The following GAPVD1 variants were observed in gnomAD, a reference collection of about 807,000 sequenced individuals.
GAPVD1 encodes GTPase activating protein and VPS9 domains 1, also known as GTPase-activating protein and VPS9 domain-containing protein 1.
In GAPVD1, 35 loss-of-function variants were observed where a neutral mutation model predicts 155.5. That is an observed-to-expected ratio of 0.23 (90% CI 0.17 to 0.30). GAPVD1 has a LOEUF of 0.30. Among genes scored for constraint, GAPVD1 ranks in the 10% least tolerant of loss-of-function variants. The probability of loss-of-function intolerance (pLI) is 1.00; values close to 1 mark genes in which losing one functional copy is unlikely to be tolerated. For missense variants in GAPVD1, 1,429 were observed against 1,775.7 expected, an observed-to-expected ratio of 0.80 and a Z score of 3.51; for synonymous variants, 636 against 619.7, an observed-to-expected ratio of 1.03 and a Z score of -0.39.
intron 2 of GAPVD1, among the ~76,000 whole-genome samples, chr9:125,270,627 T>C (rs1834738922): frequency 1.3e-5 from 2 of 152,254 alleles, no homozygotes; most frequent in South Asian, 4.1e-4. Context: ...TACTTCAGTT[T>C]CTAATATTTA....
rs376015579 is a variant in GAPVD1, at chr9:125,341,161, C to T, written c.2878-16C>T. On this transcript the variant is annotated splice_polypyrimidine_tract_variant and intron_variant, in intron 17 of 27. Transcript: ENST00000297933. Reference sequence around the variant, plus strand: ...TGCTATCCAACTCCAAATAAAGCCTCCAACTTTTTCTACAGACTGAAGAAC... The same window carrying T: ...TGCTATCCAACTCCAAATAAAGCCTTCAACTTTTTCTACAGACTGAAGAAC... The T allele has an allele frequency of 8.4e-5, 116 of 1,387,982 alleles. 1 individual carries two copies. The highest frequency in any genetic ancestry group is 1.2e-4 in the Non-Finnish European group (113 of 973,372). The allele number at this position is 1,387,982 out of a possible 1,614,324, so 86.0% of individuals were successfully genotyped here.
intron 2 of GAPVD1, among the ~76,000 whole-genome samples, chr9:125,280,854 C>CGT (rs1356060829): frequency 6.6e-6 from 1 of 151,932 alleles, no homozygotes; most frequent in East Asian, 1.9e-4. Flanking sequence ...GGATTACAGG[C>CGT]GTGAGTCAAC....
chr9:125,304,801 T>C (rs973413573), intron 5 of GAPVD1, among the ~76,000 whole-genome samples: 15 of 152,214 alleles, frequency 9.9e-5, no homozygotes, highest in African/African-American at 2.9e-4. Context: ...GTGCTTTTTT[T>C]CCCTAATGTT....
chr9:125,288,550 A>AT (rs1326065521), intron 2 of GAPVD1, among the ~76,000 whole-genome samples: 2 of 151,140 alleles, frequency 1.3e-5, no homozygotes, highest in African/African-American at 4.9e-5. Context: ...CCTCCTTTTC[A>AT]TTTTTTTAAG....
chr9:125,324,209 T>G (rs1844804193), intron 11 of GAPVD1, among the ~76,000 whole-genome samples: 1 of 152,120 alleles, frequency 6.6e-6, no homozygotes, highest in African/African-American at 2.4e-5. Context: ...TCAAGGAACT[T>G]AGAATAGGGA....
intron 24 of GAPVD1, 98 bp from the exon 25 acceptor site, chr9:125,355,546 G>A (rs748995172): frequency 1.9e-4 from 145 of 744,886 alleles, no homozygotes; most frequent in Non-Finnish European, 2.9e-4. Context: ...CATGGTGTCT[G>A]CATAGCTAGT....
intron 17 of GAPVD1, among the ~76,000 whole-genome samples, chr9:125,340,877 C>G (rs1847752714): frequency 6.6e-6 from 1 of 152,086 alleles, no homozygotes; most frequent in South Asian, 2.1e-4. Flanking sequence ...TACTTAAATC[C>G]TTTTTAGCCT....
intron 10 of GAPVD1, among the ~76,000 whole-genome samples, chr9:125,323,399 G>T (rs1035478143): frequency 6.6e-6 from 1 of 151,984 alleles, no homozygotes; most frequent in Non-Finnish European, 1.5e-5. Context: ...TCTGCCTCCC[G>T]GGTTCACGCC....
intron 12 of GAPVD1, among the ~76,000 whole-genome samples, chr9:125,329,513 A>G (rs576530742): frequency 1.3e-5 from 2 of 152,322 alleles, no homozygotes; most frequent in African/African-American, 2.4e-5. Context: ...AACTGGAGGA[A>G]ACTGGTGAAA....
chr9:125,359,861 A>G (rs184044846), intron 26 of GAPVD1: 63 of 187,694 alleles, frequency 3.4e-4, no homozygotes, highest in Admixed American at 6.3e-4. Context: ...AGGAGAGGTC[A>G]TTGAGTCTGC....
intron 2 of GAPVD1, among the ~76,000 whole-genome samples, chr9:125,275,424 A>G (rs1290757172): frequency 6.6e-6 from 1 of 152,204 alleles, no homozygotes; most frequent in Non-Finnish European, 1.5e-5. Flanking sequence ...GTTTGAGTGT[A>G]CCATTACTTA....
At chr9:125,279,990 G>A (rs1456868498) in intron 2 of GAPVD1, among the ~76,000 whole-genome samples, 1 of 151,466 alleles carries the variant, frequency 6.6e-6, no homozygotes, top group African/African-American at 2.4e-5. Flanking sequence ...TTGAACTCCC[G>A]ACGTCAGGTG....
chr9:125,275,664 A>G (rs929095977), intron 2 of GAPVD1, among the ~76,000 whole-genome samples: 14 of 152,108 alleles, frequency 9.2e-5, no homozygotes, highest in South Asian at 6.2e-4. Context: ...AGGAGGTAGG[A>G]CGATCACCTG....
chr9:125,309,998 T>C (rs778905507), intron 8 of GAPVD1: 8 of 461,846 alleles, frequency 1.7e-5, no homozygotes, highest in South Asian at 1.3e-4. Context: ...ATTACAGTAG[T>C]AACCCCGTTT....
intron 20 of GAPVD1, among the ~76,000 whole-genome samples, chr9:125,347,959 T>G (rs1214808125): frequency 6.6e-6 from 1 of 152,214 alleles, no homozygotes; most frequent in East Asian, 1.9e-4. Context: ...TGAAGGTTCA[T>G]CTACCCTCTA....
intron 23 of GAPVD1, among the ~76,000 whole-genome samples, chr9:125,353,424 T>G (rs1337809526): frequency 6.6e-6 from 1 of 152,224 alleles, no homozygotes; most frequent in Non-Finnish European, 1.5e-5. Flanking sequence ...TTTTCCTGTC[T>G]TCTTCTGAGC....
chr9:125,340,253 TC>T (rs1486181440), intron 17 of GAPVD1, among the ~76,000 whole-genome samples: 1 of 152,196 alleles, frequency 6.6e-6, no homozygotes, highest in Non-Finnish European at 1.5e-5. Context: ...GCTCCTGACT[TC>T]AGGTGATCCA....
At chr9:125,361,905 A>G (rs888823791) in intron 27 of GAPVD1, among the ~76,000 whole-genome samples, 1 of 152,186 alleles carries the variant, frequency 6.6e-6, no homozygotes, top group African/African-American at 2.4e-5. Flanking sequence ...TGTGTGTGAC[A>G]TATGTCTTAC....
In GAPVD1 at chr9:125,361,638, G is replaced by A. The variant is rs981261065; in HGVS notation, c.4242+913G>A. ...TACTTTTACCATCTTCTTTAATATG[G>A]AATTCCTTGCAGTACTTGTCATATA... On this transcript the variant is annotated intron_variant, in intron 27 of 27. Coordinates refer to ENST00000297933, the MANE Select transcript of GAPVD1 (RefSeq NM_001282680.3). Among the ~76,000 whole-genome samples the A allele has an allele frequency of 3.9e-5, 6 of 152,222 alleles. No individual in the cohort carries two copies. In the East Asian group the frequency reaches 1.2e-3, roughly 29 times the overall value.
Sources: gnomAD v4.1 joint callset for allele counts (sites outside exome capture counted in the v4.1 genomes callset) on GRCh38, gnomAD v4.1.1 for gene constraint, MANE v1.5 for transcripts, NCBI Gene and HGNC (gene_info 2026-07-23, HGNC 2026-07-21) for gene names.